Variants in LTBP1 observed in about 807,000 individuals in gnomAD.
The protein encoded by LTBP1 is latent transforming growth factor beta binding protein 1, also known as latent-transforming growth factor beta-binding protein 1.
In LTBP1, 129 loss-of-function variants were observed where a neutral mutation model predicts 207.6. The observed-to-expected ratio is 0.62, with a 90% CI of 0.54 to 0.72. The LOEUF is 0.72. LTBP1 is among the 30% of genes least tolerant of loss of function. LTBP1 has a pLI of 0.00. For synonymous variants in LTBP1, 963 were observed against 833.7 expected (o/e 1.16, Z -2.67); for missense variants, 2,281 against 2,217.2 (o/e 1.03, Z -0.58).
intron 24 of LTBP1, among the ~76,000 whole-genome samples, chr2:33,337,345 T>C (rs761479441): frequency 6.6e-6 from 1 of 152,234 alleles, no homozygotes; most frequent in Non-Finnish European, 1.5e-5. Flanking sequence ...GTGGATCTAT[T>C]AGTCATTGAC....
chr2:32,986,000 T>C (rs1454988708), intron 2 of LTBP1, among the ~76,000 whole-genome samples: 1 of 152,162 alleles, frequency 6.6e-6, no homozygotes, highest in Non-Finnish European at 1.5e-5. Context: ...AAGGGTGTTT[T>C]TTTCCTATCA....
chr2:33,036,269 G>A (rs1027506055), intron 3 of LTBP1, among the ~76,000 whole-genome samples: 2 of 152,104 alleles, frequency 1.3e-5, no homozygotes, highest in Non-Finnish European at 2.9e-5. Context: ...TGACAAACTC[G>A]CAGGTGGTGC....
intron 2 of LTBP1, among the ~76,000 whole-genome samples, chr2:32,997,924 G>T (rs903220209): frequency 2.6e-5 from 4 of 152,112 alleles, no homozygotes; most frequent in African/African-American, 9.7e-5. Context: ...CCTTATGTTG[G>T]ACCTGGTATT....
At chr2:33,004,219 T>C (rs1270533304) in intron 2 of LTBP1, among the ~76,000 whole-genome samples, 1 of 152,124 alleles carries the variant, frequency 6.6e-6, no homozygotes, top group Non-Finnish European at 1.5e-5. Context: ...GAGATCCTTG[T>C]TGGAGCTACT....
chr2:33,043,650 G>A (rs1298137672), intron 3 of LTBP1, among the ~76,000 whole-genome samples: 1 of 152,148 alleles, frequency 6.6e-6, no homozygotes, highest in Non-Finnish European at 1.5e-5. Flanking sequence ...GTAAGCAATT[G>A]CTCAGAGGAG....
At chr2:33,239,638 G>A (rs1352900483) in intron 9 of LTBP1, among the ~76,000 whole-genome samples, 1 of 151,876 alleles carries the variant, frequency 6.6e-6, no homozygotes, top group African/African-American at 2.4e-5. Context: ...CACTTTGGGA[G>A]GCTGAGCACT....
At chr2:33,238,374 T>C (rs918165860) in intron 9 of LTBP1, among the ~76,000 whole-genome samples, 4 of 152,222 alleles carry the variant, frequency 2.6e-5, no homozygotes, top group Admixed American at 1.3e-4. Context: ...TACTTTCCTG[T>C]AGGAGAAGAG....
At chr2:33,307,604 A>G (rs2094119096) in intron 22 of LTBP1, among the ~76,000 whole-genome samples, 1 of 152,220 alleles carries the variant, frequency 6.6e-6, no homozygotes, top group African/African-American at 2.4e-5. Flanking sequence ...TGGTGGTCAC[A>G]AGGATGTGTA....
chr2:33,098,909 C>A (rs1022388527), intron 3 of LTBP1, among the ~76,000 whole-genome samples: 3 of 152,178 alleles, frequency 2.0e-5, no homozygotes, highest in African/African-American at 4.8e-5. Context: ...CTGAACAGAC[C>A]TACCAAGTTG....
intron 19 of LTBP1, among the ~76,000 whole-genome samples, chr2:33,283,207 C>T (rs529803771): frequency 1.3e-4 from 20 of 151,652 alleles, no homozygotes; most frequent in South Asian, 2.1e-4. Flanking sequence ...TGATGCATGA[C>T]GTGAAGAAAA....
intron 26 of LTBP1, among the ~76,000 whole-genome samples, chr2:33,354,681 TATACACACAC>T (rs1268122817): frequency 1.8e-5 from 2 of 109,484 alleles, no homozygotes; most frequent in African/African-American, 3.6e-5. Context: ...AAACTAAAAC[TATACACACAC>T]ACACACACAC....
intron 17 of LTBP1, 116 bp from the exon 18 acceptor site, chr2:33,275,684 CA>C (rs370813252): frequency 0.044 from 42,906 of 964,620 alleles, 2 homozygotes; most frequent in East Asian, 0.054. Flanking sequence ...AACTCCATCT[CA>C]AAAAAAAAAA....
chr2:33,343,354 T>A (rs1451749825), intron 25 of LTBP1, among the ~76,000 whole-genome samples: 1 of 140,368 alleles, frequency 7.1e-6, no homozygotes, highest in Non-Finnish European at 1.5e-5. Context: ...GAGGCTGCAA[T>A]AAGCCGTGAT....
At chr2:33,388,287 G>A (rs1869450) in intron 31 of LTBP1, among the ~76,000 whole-genome samples, 24,513 of 152,148 alleles carry the variant, frequency 0.16, 2,021 homozygotes, top group Non-Finnish European at 0.17. Flanking sequence ...GGCCTCAGGA[G>A]GTGAAAACCA....
chr2:33,061,979 A>G (rs1395276574), intron 3 of LTBP1, among the ~76,000 whole-genome samples: 2 of 152,138 alleles, frequency 1.3e-5, no homozygotes, highest in African/African-American at 2.4e-5. Flanking sequence ...TAGAATTGTC[A>G]GTCTTCTTCA....
chr2:32,964,262 T>G (rs1371224610), intron 2 of LTBP1, among the ~76,000 whole-genome samples: 5 of 152,192 alleles, frequency 3.3e-5, no homozygotes, highest in African/African-American at 1.2e-4. Flanking sequence ...AGGAAAGGAA[T>G]TGCCTATTAT....
intron 3 of LTBP1, among the ~76,000 whole-genome samples, chr2:33,032,738 T>C (rs2075746879): frequency 2.0e-5 from 3 of 152,250 alleles, no homozygotes; most frequent in African/African-American, 4.8e-5. Context: ...TTCAGACTTA[T>C]ATTCATTTAA....
At chr2:33,207,970 G>A (rs1249651721) in intron 7 of LTBP1, among the ~76,000 whole-genome samples, 1 of 152,242 alleles carries the variant, frequency 6.6e-6, no homozygotes, top group Admixed American at 6.5e-5. Context: ...GAAGAGGAAA[G>A]ACGAAGTTTG....
intron 24 of LTBP1, among the ~76,000 whole-genome samples, chr2:33,326,581 T>C (rs1471384108): frequency 1.3e-5 from 2 of 152,070 alleles, no homozygotes; most frequent in African/African-American, 4.8e-5. Flanking sequence ...GAGAATCTTC[T>C]ATACATTTAC....
Sources: allele counts gnomAD v4.1 joint callset (sites outside exome capture counted in the v4.1 genomes callset), GRCh38; gene constraint gnomAD v4.1.1; transcripts MANE v1.5; gene names NCBI Gene and HGNC (gene_info 2026-07-23, HGNC 2026-07-21).